The following PPRC1 variants were observed in gnomAD, a reference collection of about 807,000 sequenced individuals.
The protein encoded by PPRC1 is PPARG related coactivator 1.
In PPRC1, 23 loss-of-function variants were observed where a neutral mutation model predicts 132.5. The observed-to-expected ratio is 0.17, with a 90% CI of 0.12 to 0.25. The LOEUF is 0.25. PPRC1 is among the 10% of genes least tolerant of loss of function. PPRC1 has a pLI of 1.00. For synonymous variants in PPRC1, 872 were observed against 833.5 expected (o/e 1.05, Z -0.80); for missense variants, 2,006 against 2,089.1 (o/e 0.96, Z 0.78).
chr10:102,143,774 T>G (rs1365348993), intron 6 of PPRC1, among the ~76,000 whole-genome samples: 1 of 152,194 alleles, frequency 6.6e-6, no homozygotes, highest in Non-Finnish European at 1.5e-5. Context: ...TATGGCACAT[T>G]TGAAAGGCAA....
intron 1 of PPRC1, among the ~76,000 whole-genome samples, chr10:102,135,176 C>CT (rs780175883): frequency 4.6e-5 from 7 of 152,088 alleles, no homozygotes; most frequent in Non-Finnish European, 1.0e-4. Context: ...TTTGCAGAGT[C>CT]TGAGACGGGA....
Position 102,139,465 on chromosome 10 carries a change from C to T in PPRC1, c.957C>T (p.Asn319=), listed in dbSNP as rs1287988179. The change falls in exon 5 of 14, where the codon AAC becomes AAT. Residue 319 remains asparagine (N), a synonymous_variant. Coordinates refer to ENST00000278070, the MANE Select transcript of PPRC1 (RefSeq NM_015062.5). ...CCATGCACCCATACTGCCTGCCCAA[C>T]CTCACCCACCTGGCATCACTTGAGG... The part of the protein sequence containing the change: ...VRAMHPYCLP[N]LTHLASLEDE... 1 of 1,613,992 alleles carries T rather than the reference C, an allele frequency of 6.2e-7. No homozygotes were observed. Among genetic ancestry groups the T allele is most frequent in the Non-Finnish European group, 8.5e-7 (1 of 1,179,868 alleles).
At chr10:102,146,551 C>T (rs2069252495) in intron 8 of PPRC1, 121 bp from the exon 9 acceptor site, 11 of 1,397,242 alleles carry the variant, frequency 7.9e-6, no homozygotes, top group Non-Finnish European at 9.5e-6. Context: ...AGTTGGGCTG[C>T]TTACCTTGCT....
intron 1 of PPRC1, among the ~76,000 whole-genome samples, chr10:102,135,822 G>A (rs568949001): frequency 6.6e-6 from 1 of 152,342 alleles, no homozygotes; most frequent in South Asian, 2.1e-4. Flanking sequence ...AGCAGGTTTG[G>A]TGGGTGAAAG....
the PPRC1 span, among the ~76,000 whole-genome samples, chr10:102,123,349 C>A: frequency 1.5e-4 from 23 of 151,232 alleles, no homozygotes; most frequent in Admixed American, 1.1e-3. Flanking sequence ...GTCACAGACA[C>A]CTGGCAGACA....
At chr10:102,142,140 T>G in intron 5 of PPRC1, 136 bp downstream of exon 5, 5 of 971,956 alleles carry the variant, frequency 5.1e-6, no homozygotes, top group Non-Finnish European at 7.4e-6. Context: ...TGAGATGGAG[T>G]CTTGCTCTGT....
chr10:102,149,417 C>T (rs2069414935), intron 13 of PPRC1, 88 bp downstream of exon 13: 1 of 1,396,834 alleles, frequency 7.2e-7, no homozygotes. Context: ...GCTAGGCAGA[C>T]TTACCTTAGT....
intron 5 of PPRC1, 100 bp downstream of exon 5, chr10:102,142,104 T>C (rs2069010088): frequency 7.2e-7 from 1 of 1,386,240 alleles, no homozygotes; most frequent in South Asian, 1.5e-5. Context: ...TTGGATTTCT[T>C]TGGAGGAGTT....
Position 102,139,401 on chromosome 10 carries a change from G to T in PPRC1, c.893G>T (p.Gly298Val). ...GCAGAGATGGCAGTGCCAGCAGCTG[G>T]TGATGAGAGCATCTCCTCCCTGAGT... ...TAAEMAVPAA[G>V]DESISSLSEL... The change falls in exon 5 of 14, where the codon GGT (glycine) becomes GTT (valine). Residue 298 changes from glycine (G) to valine (V), a missense_variant. Transcript: ENST00000278070. The T allele has an allele frequency of 6.2e-7, 1 of 1,614,254 alleles. No individual in the cohort carries two copies. Among genetic ancestry groups the T allele is most frequent in the Non-Finnish European group, 8.5e-7 (1 of 1,180,048 alleles).
chr10:102,143,672 C>T (rs1207991988), intron 6 of PPRC1, among the ~76,000 whole-genome samples: 3 of 150,724 alleles, frequency 2.0e-5, no homozygotes, highest in Non-Finnish European at 4.4e-5. Flanking sequence ...AGGGAAGTAG[C>T]TTTCAGGCTG....
intron 1 of PPRC1, among the ~76,000 whole-genome samples, chr10:102,136,832 C>T (rs917068283): frequency 6.6e-6 from 1 of 152,200 alleles, no homozygotes; most frequent in Non-Finnish European, 1.5e-5. Context: ...CGGCCCTGCC[C>T]ACACCCACAC....
the PPRC1 span, among the ~76,000 whole-genome samples, chr10:102,126,327 G>A: frequency 1.5e-5 from 2 of 137,030 alleles, no homozygotes; most frequent in South Asian, 2.4e-4. Context: ...GAATGACAGA[G>A]TGAGACTGAC....
At chr10:102,144,771 G>A (rs548319092) in intron 7 of PPRC1, 12 of 528,408 alleles carry the variant, frequency 2.3e-5, no homozygotes, top group South Asian at 1.7e-4. Flanking sequence ...GGTGAGACTC[G>A]ATGTGAAGGA....
At chr10:102,127,049 AT>A in the PPRC1 span, among the ~76,000 whole-genome samples, 23 of 57,942 alleles carry the variant, frequency 4.0e-4, no homozygotes, top group African/African-American at 4.5e-4. Flanking sequence ...ATATATATAT[AT>A]ATATATATAT....
chr10:102,127,063 ATAT>A, the PPRC1 span, among the ~76,000 whole-genome samples: 7 of 117,962 alleles, frequency 5.9e-5, no homozygotes, highest in East Asian at 2.3e-4. Flanking sequence ...ATATATATAT[ATAT>A]ATAAATTAAA....
chr10:102,130,762 CAACT>C (rs1452550788), upstream of PPRC1, among the ~76,000 whole-genome samples: 1 of 151,902 alleles, frequency 6.6e-6, no homozygotes, highest in Non-Finnish European at 1.5e-5. Context: ...ACAAAAGAAA[CAACT>C]AAACAGCCAG....
chr10:102,123,002 CCTA>C, the PPRC1 span, among the ~76,000 whole-genome samples: 1 of 152,202 alleles, frequency 6.6e-6, no homozygotes, highest in East Asian at 1.9e-4. Context: ...CTCTTCTTCA[CCTA>C]CTAGTTAATG....
chr10:102,131,008 T>C (rs2068531013), upstream of PPRC1, among the ~76,000 whole-genome samples: 1 of 151,822 alleles, frequency 6.6e-6, no homozygotes, highest in Non-Finnish European at 1.5e-5. Context: ...CTGGCCAACA[T>C]GGTGAAACCC....
the PPRC1 span, chr10:102,120,165 G>C: frequency 8.1e-7 from 1 of 1,232,346 alleles, no homozygotes; most frequent in Non-Finnish European, 1.0e-6. Context: ...CGCCCCTCGC[G>C]GGGACAGGCC....
Sources: gnomAD v4.1 joint callset for allele counts (sites outside exome capture counted in the v4.1 genomes callset) on GRCh38, gnomAD v4.1.1 for gene constraint, MANE v1.5 for transcripts, NCBI Gene and HGNC (gene_info 2026-07-23, HGNC 2026-07-21) for gene names.